The following SYT6 variants were observed in gnomAD, a reference collection of about 807,000 sequenced individuals.
SYT6 encodes the protein synaptotagmin 6.
A neutral mutation model predicts 38.4 loss-of-function variants in SYT6; 24 were observed. The observed-to-expected ratio is 0.62, with a 90% CI of 0.45 to 0.88. The LOEUF is 0.88. Ranked by LOEUF, SYT6 falls within the 40% of genes least tolerant of loss-of-function variation. SYT6 has a pLI of 0.00. For synonymous variants in SYT6, 265 were observed against 241.9 expected, an observed-to-expected ratio of 1.10 and a Z score of -0.89; for missense variants, 611 against 621.0, an observed-to-expected ratio of 0.98 and a Z score of 0.17.
intron 3 of SYT6, among the ~76,000 whole-genome samples, chr1:114,134,409 TC>T (rs1159935555): frequency 2.6e-5 from 4 of 152,340 alleles, no homozygotes; most frequent in African/African-American, 9.6e-5. Flanking sequence ...AAGCCACTGG[TC>T]ATTTAACAAG....
intron 3 of SYT6, among the ~76,000 whole-genome samples, chr1:114,115,602 A>G (rs1676947147): frequency 6.6e-6 from 1 of 151,880 alleles, no homozygotes; most frequent in African/African-American, 2.4e-5. Context: ...TTTTTGGTAG[A>G]GACGGGGTTT....
chr1:114,147,881 GT>G (rs1457101260), intron 1 of SYT6, among the ~76,000 whole-genome samples: 8 of 152,306 alleles, frequency 5.3e-5, no homozygotes, highest in Admixed American at 5.2e-4. Flanking sequence ...TATTCTTCAT[GT>G]TTTGTTTTTT....
chr1:114,109,668 T>C (rs1156265213), intron 3 of SYT6, among the ~76,000 whole-genome samples: 1 of 152,196 alleles, frequency 6.6e-6, no homozygotes, highest in East Asian at 1.9e-4. Flanking sequence ...ACTACTGTTA[T>C]AAAGAGCTCA....
intron 3 of SYT6, among the ~76,000 whole-genome samples, chr1:114,112,902 G>A (rs1183278220): frequency 3.3e-5 from 5 of 152,186 alleles, no homozygotes; most frequent in Non-Finnish European, 7.3e-5. Context: ...CCCCTCGCAG[G>A]GCTGTGGGGG....
intron 3 of SYT6, among the ~76,000 whole-genome samples, chr1:114,129,399 AACCTCTCCCGCCTCTT>A (rs71787619): frequency 2.1e-3 from 302 of 145,856 alleles, no homozygotes; most frequent in Non-Finnish European, 3.4e-3. Flanking sequence ...GAACCATATT[AACCTCTCCCGCCTCTT>A]ACCTCTCCCG....
intron 1 of SYT6, among the ~76,000 whole-genome samples, chr1:114,143,293 CAA>C (rs760443567): frequency 3.6e-4 from 54 of 148,584 alleles, no homozygotes; most frequent in African/African-American, 9.6e-4. Flanking sequence ...TAGAATTACA[CAA>C]AGTTATATAT....
chr1:114,096,290 G>A (rs990087729), intron 6 of SYT6, among the ~76,000 whole-genome samples: 1 of 152,130 alleles, frequency 6.6e-6, no homozygotes, highest in South Asian at 2.1e-4. Context: ...GGCTCCCCTG[G>A]GGGAGCTGAG....
intron 3 of SYT6, among the ~76,000 whole-genome samples, chr1:114,131,079 C>T (rs1678116064): frequency 6.6e-6 from 1 of 152,080 alleles, no homozygotes; most frequent in Non-Finnish European, 1.5e-5. Context: ...TTTCAGGAGG[C>T]CTGCCTTCCC....
At chr1:114,111,596 C>T (rs1243512130) in intron 3 of SYT6, among the ~76,000 whole-genome samples, 4 of 152,250 alleles carry the variant, frequency 2.6e-5, no homozygotes, top group African/African-American at 9.6e-5. Context: ...GGCCAGCTGT[C>T]CTGTCACCCC....
chr1:114,151,996 G>A (rs1679460140), intron 1 of SYT6, among the ~76,000 whole-genome samples: 1 of 152,062 alleles, frequency 6.6e-6, no homozygotes, highest in East Asian at 1.9e-4. Flanking sequence ...CACAACTAGG[G>A]ACAGCAGCGC....
intron 3 of SYT6, among the ~76,000 whole-genome samples, chr1:114,113,423 C>T (rs1319997240): frequency 1.3e-5 from 2 of 152,186 alleles, no homozygotes; most frequent in African/African-American, 2.4e-5. Flanking sequence ...GGCCCCTCCG[C>T]AGACATCTCT....
At chr1:114,098,499 C>A (rs1057213772) in intron 5 of SYT6, among the ~76,000 whole-genome samples, 1 of 151,886 alleles carries the variant, frequency 6.6e-6, no homozygotes, top group Non-Finnish European at 1.5e-5. Flanking sequence ...GTGGAAGAGA[C>A]GAAAAATATC....
intron 1 of SYT6, among the ~76,000 whole-genome samples, chr1:114,145,927 T>A (rs1679133386): frequency 6.6e-6 from 1 of 152,034 alleles, no homozygotes; most frequent in African/African-American, 2.4e-5. Flanking sequence ...TTTTCCTTGG[T>A]GTGGTTGCTA....
chr1:114,097,824 C>T lies in SYT6; in HGVS notation c.1418G>A (p.Gly473Asp). Residue 473 changes from glycine (G) to aspartate (D), a missense_variant, in exon 6 of 8, where the codon GGC becomes GAC. By Grantham distance (94) the Gly-to-Asp change is moderately conservative. Transcript: ENST00000610222. ...CTCGTTCCAGTGGTCCCTGCCCAGGCCTTCAGCAGTGATCCCCACACGACA... is the reference window on the plus strand; with the variant it reads ...CTCGTTCCAGTGGTCCCTGCCCAGGTCTTCAGCAGTGATCCCCACACGACA... ...GVCRVGITAEGLGRDHWNEML... is the reference protein window; with the variant it reads ...GVCRVGITAEDLGRDHWNEML... The T allele has an allele frequency of 6.2e-7, 1 of 1,614,122 alleles. No individual in the cohort carries two copies. The highest frequency in any genetic ancestry group is 8.5e-7 in the Non-Finnish European group (1 of 1,180,022).
intron 3 of SYT6, among the ~76,000 whole-genome samples, chr1:114,112,900 A>G (rs1027247995): frequency 2.6e-5 from 4 of 152,156 alleles, no homozygotes; most frequent in Non-Finnish European, 5.9e-5. Flanking sequence ...TGCCCCTCGC[A>G]GGGCTGTGGG....
chr1:114,140,443 C>A (rs1286812257), intron 1 of SYT6, among the ~76,000 whole-genome samples: 4 of 152,034 alleles, frequency 2.6e-5, no homozygotes, highest in Non-Finnish European at 5.9e-5. Flanking sequence ...GGGTGTGATA[C>A]CTTGGGGGGC....
chr1:114,106,731 C>T (rs756641275), intron 3 of SYT6, among the ~76,000 whole-genome samples: 2 of 152,078 alleles, frequency 1.3e-5, no homozygotes, highest in Non-Finnish European at 2.9e-5. Context: ...CCCATGGACC[C>T]TTGCCCAGGG....
Position 114,099,565 on chromosome 1 carries a change from C to T in SYT6, c.1193-300G>A, listed in dbSNP as rs538280172. On this transcript the variant is annotated intron_variant, in intron 4 of 7. Coordinates refer to ENST00000610222, the MANE Select transcript of SYT6 (RefSeq NM_001253772.2). ...GACATGACACCTGCCGATAGGTATG[C>T]AGTTCACAGCCCTAAATCTCAGCTC... 3.3e-5 allele frequency among the ~76,000 whole-genome samples: 5 copies of T among 152,314 alleles called. No individual in the cohort carries two copies. In the South Asian group the frequency reaches 1.0e-3, roughly 32 times the overall value.
chr1:114,137,736 C>G lies in SYT6; in HGVS notation c.830G>C (p.Arg277Pro), dbSNP rs1678573189. The change falls in exon 3 of 8, where the codon CGC becomes CCC. Residue 277 changes from arginine (R) to proline (P), a missense_variant. Transcript: ENST00000610222. The stretch of plus-strand genomic sequence containing the variant: ...CACCCGGGTCTGCAGCTTGCATTTG[C>G]GGTCAGGCAGGAGGTAGATCTTGAC... ...PYVKIYLLPDRKCKLQTRVHR... is the reference protein window; with the variant it reads ...PYVKIYLLPDPKCKLQTRVHR... The G allele has an allele frequency of 1.2e-6, 2 of 1,613,990 alleles. No individual in the cohort carries two copies. The highest frequency in any genetic ancestry group is 1.7e-6 in the Non-Finnish European group (2 of 1,180,034).
Sources: allele counts gnomAD v4.1 joint callset (sites outside exome capture counted in the v4.1 genomes callset), GRCh38; gene constraint gnomAD v4.1.1; transcripts MANE v1.5; gene names NCBI Gene and HGNC (gene_info 2026-07-23, HGNC 2026-07-21).